Variants in FNDC3B observed in about 807,000 individuals in gnomAD.
FNDC3B encodes fibronectin type III domain-containing protein 3B.
Under a neutral mutation model 151.5 loss-of-function variants are expected in FNDC3B, and 12 were observed. The observed-to-expected ratio is 0.08, with a 90% CI of 0.05 to 0.13. FNDC3B has a LOEUF of 0.13. Among genes scored for constraint, FNDC3B ranks in the 10% least tolerant of loss-of-function variants. The probability of loss-of-function intolerance (pLI) is 1.00; values close to 1 mark genes in which losing one functional copy is unlikely to be tolerated. For missense variants in FNDC3B, 1,214 were observed against 1,505.3 expected (o/e 0.81, Z 3.20); for synonymous variants, 528 against 549.0 (o/e 0.96, Z 0.54).
At chr3:172,071,028 C>T (rs1358291896) in intron 1 of FNDC3B, among the ~76,000 whole-genome samples, 1 of 152,070 alleles carries the variant, frequency 6.6e-6, no homozygotes, top group East Asian at 1.9e-4. Context: ...CTGGTTTTGG[C>T]TGACAAAATT....
chr3:172,311,017 T>C lies in FNDC3B; in HGVS notation c.1254+136T>C. 7 of 675,482 alleles carry C rather than the reference T, an allele frequency of 1.0e-5. No homozygotes were observed. The South Asian group carries it at 1.2e-4, about 11-fold the overall frequency. 41.8% of individuals were successfully genotyped at this position (675,482 alleles called of 1,614,324 possible). A position where few individuals can be genotyped will look rare whatever the true frequency, so the allele number is the denominator to read the frequency against. ...ATGCTAGTAGAGAAATTTAAATCAATAGTTATTGACTATGGAAAATGAAGT... is the reference window on the plus strand; with the variant it reads ...ATGCTAGTAGAGAAATTTAAATCAACAGTTATTGACTATGGAAAATGAAGT... On this transcript the variant is annotated intron_variant, in intron 11 of 25. Coordinates refer to ENST00000415807, the MANE Select transcript of FNDC3B (RefSeq NM_022763.4).
rs369274721 is a variant in FNDC3B, at chr3:172,288,983, T to C, written c.849+2999T>C. Among the ~76,000 whole-genome samples the C allele has an allele frequency of 6.4e-4, 97 of 152,270 alleles. 1 individual carries two copies. Among genetic ancestry groups the C allele is most frequent in the African/African-American group, 2.2e-3 (91 of 41,528 alleles). ...GCTTTTGCACATGACTAAAACAACT[T>C]CTCTTTCTCTCCACCTATATGTTTC... is the stretch of plus-strand genomic sequence containing the variant. On this transcript the variant is annotated intron_variant, in intron 7 of 25. Transcript: ENST00000415807.
At chr3:172,346,531 T>C in intron 20 of FNDC3B, 91 bp downstream of exon 20, 1 of 690,040 alleles carries the variant, frequency 1.4e-6, no homozygotes, top group Non-Finnish European at 2.4e-6. Context: ...AAATCCAAAA[T>C]GCACATATAG....
At chr3:172,344,677 G>A (rs1373184535) in intron 19 of FNDC3B, among the ~76,000 whole-genome samples, 1 of 152,168 alleles carries the variant, frequency 6.6e-6, no homozygotes, top group African/African-American at 2.4e-5. Context: ...CTAGAGAAGG[G>A]TAGTGGCCAG....
chr3:172,218,599 C>T (rs1308710026), intron 3 of FNDC3B, among the ~76,000 whole-genome samples: 2 of 152,274 alleles, frequency 1.3e-5, no homozygotes, highest in East Asian at 3.9e-4. Flanking sequence ...TATTATTCAT[C>T]GAGGCACAGT....
At chr3:172,125,039 G>A (rs1047551896) in intron 2 of FNDC3B, among the ~76,000 whole-genome samples, 15 of 152,228 alleles carry the variant, frequency 9.9e-5, no homozygotes, top group Non-Finnish European at 1.9e-4. Context: ...TACCTTCTGG[G>A]AAAGGTGGAG....
chr3:172,343,239 A>T (rs945561524), intron 18 of FNDC3B, 123 bp downstream of exon 18: 4 of 633,044 alleles, frequency 6.3e-6, no homozygotes, highest in South Asian at 3.4e-5. Flanking sequence ...TCTGTTGAGG[A>T]TGTCCATATT....
Position 172,353,001 on chromosome 3 carries a change from A to G in FNDC3B, c.2713A>G (p.Ile905Val). 6.2e-7 allele frequency: 1 copy of G among 1,614,174 alleles called. No individual in the cohort carries two copies. Among genetic ancestry groups the G allele is most frequent in the Non-Finnish European group, 8.5e-7 (1 of 1,180,024 alleles). ...CGGATCTGAAATCCTTGCTTACACC[A>G]TTGATCTAGGAGACACTAGCATTAC... ...NNGSEILAYT[I>V]DLGDTSITVG... The change falls in exon 22 of 26, where the codon ATT becomes GTT. Residue 905 changes from isoleucine to valine, a missense_variant. This residue lies in a region of FNDC3B where 284 missense variants were observed against 392.4 expected (regional missense o/e 0.72). Transcript: ENST00000415807.
At chr3:172,097,624 T>C (rs1399241208) in intron 1 of FNDC3B, among the ~76,000 whole-genome samples, 2 of 152,250 alleles carry the variant, frequency 1.3e-5, no homozygotes, top group East Asian at 3.8e-4. Flanking sequence ...GTTATTCTAT[T>C]ATCCATAAGT....
chr3:172,141,461 A>G (rs188669787), intron 3 of FNDC3B, among the ~76,000 whole-genome samples: 8 of 152,356 alleles, frequency 5.3e-5, no homozygotes, highest in Non-Finnish European at 1.2e-4. Context: ...CTGAGCAGCT[A>G]TATTCAGAGA....
chr3:172,331,508 C>T (rs545789323), intron 13 of FNDC3B, among the ~76,000 whole-genome samples: 51 of 152,226 alleles, frequency 3.4e-4, no homozygotes, highest in Admixed American at 1.2e-3. Context: ...CAGGCGCCCG[C>T]CACCACACCC....
intron 3 of FNDC3B, among the ~76,000 whole-genome samples, chr3:172,140,785 G>A (rs1721589004): frequency 6.6e-6 from 1 of 152,212 alleles, no homozygotes; most frequent in Admixed American, 6.5e-5. Flanking sequence ...CCTCTCAAGG[G>A]AGGTACTCAG....
At chr3:172,093,866 A>G (rs11926602) in intron 1 of FNDC3B, among the ~76,000 whole-genome samples, 7,438 of 152,296 alleles carry the variant, frequency 0.049, 607 homozygotes, top group African/African-American at 0.17. Context: ...GGTTTAGTAG[A>G]TCTAAGTGAG....
At chr3:172,354,914 A>C (rs2108328812) in intron 22 of FNDC3B, among the ~76,000 whole-genome samples, 1 of 145,904 alleles carries the variant, frequency 6.9e-6, no homozygotes, top group African/African-American at 2.5e-5. Context: ...TATTGTTCTC[A>C]TACCAAGCTT....
intron 1 of FNDC3B, among the ~76,000 whole-genome samples, chr3:172,048,795 C>G (rs116780333): frequency 0.03 from 4,616 of 152,206 alleles, 109 homozygotes; most frequent in Middle Eastern, 0.065. Flanking sequence ...GAAGGCAGTT[C>G]TAATACATGC....
Position 172,296,538 on chromosome 3 carries a change from G to A in FNDC3B, c.1001+1024G>A, listed in dbSNP as rs547639145. Among the ~76,000 whole-genome samples the A allele has an allele frequency of 2.0e-5, 3 of 152,272 alleles. No homozygotes were observed. In the South Asian group the frequency reaches 6.2e-4, roughly 32 times the overall value. On this transcript the variant is annotated intron_variant, in intron 8 of 25. Transcript: ENST00000415807. The stretch of plus-strand genomic sequence containing the variant: ...ACCCCCGACTCTTGCTCTTCTACAA[G>A]CTTGCCTACTCACTGCAGAAACAAA...
chr3:172,230,703 G>T (rs1388382957), intron 4 of FNDC3B, among the ~76,000 whole-genome samples: 1 of 152,200 alleles, frequency 6.6e-6, no homozygotes, highest in Non-Finnish European at 1.5e-5. Flanking sequence ...CAAATGGCCA[G>T]TTAGAGCATG....
At chr3:172,146,928 A>T (rs1559988010) in intron 3 of FNDC3B, among the ~76,000 whole-genome samples, 1 of 152,232 alleles carries the variant, frequency 6.6e-6, no homozygotes, top group African/African-American at 2.4e-5. Context: ...CGTATGTTTA[A>T]CGAAATTCAA....
At chr3:172,359,014 G>A (rs189739006) in intron 22 of FNDC3B, among the ~76,000 whole-genome samples, 1,898 of 129,470 alleles carry the variant, frequency 0.015, 62 homozygotes, top group African/African-American at 0.053. Context: ...GGTGGTGGTG[G>A]TGGTGATGGT....
Sources: gnomAD v4.1 joint callset for allele counts (sites outside exome capture counted in the v4.1 genomes callset) on GRCh38, gnomAD v4.1.1 for gene constraint, gnomAD v4.1.1 regional missense constraint, MANE v1.5 for transcripts, NCBI Gene and HGNC (gene_info 2026-07-23, HGNC 2026-07-21) for gene names.